CD82: variants seen among roughly 807,000 people sequenced by gnomAD.
The protein encoded by CD82 is CD82 molecule, also known as CD82 antigen.
In CD82, 36 loss-of-function variants were observed where a neutral mutation model predicts 37.4. The ratio of observed to expected loss-of-function variants is 0.96; its 90% CI spans 0.74 to 1.27. The LOEUF is 1.27. CD82 is among the 50% of genes most tolerant of loss of function. The pLI is 0.00. For synonymous variants in CD82, 158 were observed against 137.4 expected (o/e 1.15, Z -1.05); for missense variants, 340 against 347.0 (o/e 0.98, Z 0.16).
intron 2 of CD82, among the ~76,000 whole-genome samples, chr11:44,594,414 C>G (rs1853191222): frequency 2.0e-5 from 3 of 152,172 alleles, no homozygotes; most frequent in South Asian, 4.1e-4. Context: ...GCCCCAGCCC[C>G]AGTGCAGTGG....
chr11:44,600,168 C>T lies in CD82; in HGVS notation c.74C>T (p.Ala25Val). Residue 25 changes from alanine (A) to valine (V), a missense_variant, in exon 4 of 10, where the codon GCA becomes GTA. Coordinates refer to ENST00000227155, the MANE Select transcript of CD82 (RefSeq NM_002231.4). ...LFNLIFFILG[A>V]VILGFGVWIL... ...CCCTTCTCCTTCCAGATCCTGGGCG[C>T]AGTGATCCTGGGCTTCGGGGTGTGG... 2 of 1,614,082 alleles carry T rather than the reference C, an allele frequency of 1.2e-6. No individual in the cohort carries two copies. The highest frequency in any genetic ancestry group is 1.7e-6 in the Non-Finnish European group (2 of 1,179,958).
chr11:44,594,519 T>C (rs1853193118), intron 2 of CD82, 124 bp from the exon 3 acceptor site: 1 of 672,346 alleles, frequency 1.5e-6, no homozygotes, highest in Non-Finnish European at 2.7e-6. Context: ...GGGCTAGTTG[T>C]CTAACCTCTC....
In CD82 at chr11:44,597,587, C is replaced by CTA. The variant is rs1274952203; in HGVS notation, c.64-2570_64-2569insAT. Among the ~76,000 whole-genome samples the CTA allele has an allele frequency of 6.6e-6, 1 of 152,226 alleles. No individual in the cohort carries two copies. The highest frequency in any genetic ancestry group is 1.5e-5 in the Non-Finnish European group (1 of 68,032). On this transcript the variant is annotated intron_variant, in intron 3 of 9. Transcript: ENST00000227155. The surrounding 1 kb of genome is among the most constrained non-coding windows in gnomAD (Gnocchi z 4.1). Reference sequence around the variant, plus strand: ...CGGGGACTTTGCTCTCTGGGTTCCTCTTGGCAAGCTGAGGAGCCAGCTGAG... The same window carrying CTA: ...CGGGGACTTTGCTCTCTGGGTTCCTCTATTGGCAAGCTGAGGAGCCAGCTGAG...
intron 2 of CD82, among the ~76,000 whole-genome samples, chr11:44,592,039 G>A (rs1296571264): frequency 3.3e-5 from 5 of 151,958 alleles, no homozygotes; most frequent in African/African-American, 1.2e-4. Flanking sequence ...GGCTGGTCTC[G>A]AACTCCTGAC....
At chr11:44,567,074 C>T (rs1852746218) in intron 1 of CD82, among the ~76,000 whole-genome samples, 1 of 152,172 alleles carries the variant, frequency 6.6e-6, no homozygotes, top group South Asian at 2.1e-4. Flanking sequence ...GAGGGCTCCC[C>T]CATCCCTACC....
At chr11:44,615,209 G>T (rs546572679) in intron 6 of CD82, 63 bp from the exon 7 acceptor site, 29 of 1,079,566 alleles carry the variant, frequency 2.7e-5, no homozygotes, top group Admixed American at 3.4e-5. Flanking sequence ...TTAAGTAGGG[G>T]TGACCACAGG....
chr11:44,585,789 C>A (rs1251798820), intron 1 of CD82, among the ~76,000 whole-genome samples: 1 of 152,218 alleles, frequency 6.6e-6, no homozygotes, highest in Non-Finnish European at 1.5e-5. Flanking sequence ...AAGTTCTCCA[C>A]TTCATGCTTA....
intron 2 of CD82, 38 bp downstream of exon 2, chr11:44,587,594 G>A (rs1310401821): frequency 4.4e-6 from 2 of 456,082 alleles, no homozygotes; most frequent in East Asian, 1.4e-4. Flanking sequence ...GGTTGGAGGG[G>A]ACACACTTGG....
upstream of CD82, among the ~76,000 whole-genome samples, chr11:44,564,998 G>A (rs771127300): frequency 5.9e-5 from 9 of 152,350 alleles, no homozygotes; most frequent in Middle Eastern, 0.014. Context: ...TCAATCAATG[G>A]TAGTCAGTAT....
At chr11:44,608,297 G>T (rs909308417) in intron 6 of CD82, among the ~76,000 whole-genome samples, 1 of 152,080 alleles carries the variant, frequency 6.6e-6, no homozygotes, top group African/African-American at 2.4e-5. Flanking sequence ...GGTCTCCAGG[G>T]CTGCCCTCTG....
chr11:44,587,339 G>A (rs1853070714), intron 1 of CD82, 136 bp from the exon 2 acceptor site: 1 of 432,132 alleles, frequency 2.3e-6, no homozygotes, highest in Non-Finnish European at 4.7e-6. Flanking sequence ...GGGGGGAAGA[G>A]GACAGAGGAA....
intron 2 of CD82, among the ~76,000 whole-genome samples, chr11:44,593,412 G>A (rs546070265): frequency 6.6e-6 from 1 of 152,348 alleles, no homozygotes; most frequent in South Asian, 2.1e-4. Flanking sequence ...GGCCCCAGCT[G>A]CCCGGCGGTG....
At chr11:44,575,385 G>A (rs2134622680) in intron 1 of CD82, among the ~76,000 whole-genome samples, 1 of 152,348 alleles carries the variant, frequency 6.6e-6, no homozygotes, top group Admixed American at 6.5e-5. Context: ...AAAGGAGGAG[G>A]TGGGAAGATG....
At chr11:44,603,874 G>T (rs1388819136) in intron 4 of CD82, among the ~76,000 whole-genome samples, 1 of 152,166 alleles carries the variant, frequency 6.6e-6, no homozygotes, top group Non-Finnish European at 1.5e-5. Context: ...TTCCTCCCGG[G>T]CTTCTTTCTT....
At chr11:44,579,755 G>A (rs943449447) in intron 1 of CD82, among the ~76,000 whole-genome samples, 2 of 152,170 alleles carry the variant, frequency 1.3e-5, no homozygotes, top group Non-Finnish European at 2.9e-5. Flanking sequence ...GGGAAGCACA[G>A]CCCCTTTATT....
chr11:44,613,537 T>G (rs58725047), intron 6 of CD82, among the ~76,000 whole-genome samples: 2 of 152,032 alleles, frequency 1.3e-5, no homozygotes, highest in African/African-American at 4.8e-5. Flanking sequence ...AAGATGTAGA[T>G]TTGGGCCAGG....
intron 3 of CD82, among the ~76,000 whole-genome samples, chr11:44,595,234 G>A (rs2134656927): frequency 6.6e-6 from 1 of 152,090 alleles, no homozygotes; most frequent in Non-Finnish European, 1.5e-5. Context: ...CCAGTGAAGG[G>A]CACATACCTC....
chr11:44,588,954 T>C (rs1254748467), intron 2 of CD82, among the ~76,000 whole-genome samples: 3 of 152,192 alleles, frequency 2.0e-5, no homozygotes, highest in African/African-American at 7.2e-5. Context: ...TGGTGTCAAG[T>C]ATAACATAAG....
At chr11:44,611,348 C>T (rs3781757) in intron 6 of CD82, among the ~76,000 whole-genome samples, 23,527 of 152,168 alleles carry the variant, frequency 0.15, 2,345 homozygotes, top group East Asian at 0.27. Flanking sequence ...GCTCCCTTCT[C>T]GGGCAGGCTG....
Sources: gnomAD v4.1 joint callset for allele counts (sites outside exome capture counted in the v4.1 genomes callset) on GRCh38, gnomAD v4.1.1 for gene constraint, Gnocchi (gnomAD v3.1) non-coding constraint, MANE v1.5 for transcripts, NCBI Gene and HGNC (gene_info 2026-07-23, HGNC 2026-07-21) for gene names.